Variants in MGAT4C observed in about 807,000 individuals in gnomAD.
The protein encoded by MGAT4C is MGAT4 family member C, also known as alpha-1,3-mannosyl-glycoprotein 4-beta-N-acetylglucosaminyltransferase C.
In MGAT4C, 19 loss-of-function variants were observed where a neutral mutation model predicts 40.1. That is an observed-to-expected ratio of 0.47 (90% CI 0.33 to 0.70). The LOEUF (loss-of-function observed/expected upper bound fraction) is 0.70. Ranked by LOEUF, MGAT4C falls within the 30% of genes least tolerant of loss-of-function variation. The pLI, the probability that MGAT4C is intolerant of heterozygous loss-of-function variation, is 0.02. For missense variants in MGAT4C, 491 were observed against 563.2 expected, an observed-to-expected ratio of 0.87 and a Z score of 1.30; for synonymous variants, 181 against 187.1, an observed-to-expected ratio of 0.97 and a Z score of 0.27.
intron 1 of MGAT4C, among the ~76,000 whole-genome samples, chr12:86,829,013 G>T (rs1265073322): frequency 6.6e-6 from 1 of 151,478 alleles, no homozygotes; most frequent in Non-Finnish European, 1.5e-5. Flanking sequence ...CCTCAACACA[G>T]CTATTTAAAG....
chr12:86,605,283 A>T (rs191035555), intron 2 of MGAT4C, among the ~76,000 whole-genome samples: 1 of 152,144 alleles, frequency 6.6e-6, no homozygotes, highest in East Asian at 1.9e-4. Context: ...ATATATATAT[A>T]TTAGTCAGTT....
intron 3 of MGAT4C, among the ~76,000 whole-genome samples, chr12:86,411,122 G>T (rs756793868): frequency 6.6e-6 from 1 of 152,082 alleles, no homozygotes; most frequent in Non-Finnish European, 1.5e-5. Flanking sequence ...ATATTATGTT[G>T]GTGTAAAAAT....
At chr12:86,813,993 C>A (rs967593639) in intron 1 of MGAT4C, among the ~76,000 whole-genome samples, 1 of 151,814 alleles carries the variant, frequency 6.6e-6, no homozygotes, top group Non-Finnish European at 1.5e-5. Flanking sequence ...TCACTGCAAC[C>A]TCCGCCACCC....
At chr12:86,793,491 AAATG>A (rs1345682782) in intron 1 of MGAT4C, among the ~76,000 whole-genome samples, 1 of 152,100 alleles carries the variant, frequency 6.6e-6, no homozygotes, top group Non-Finnish European at 1.5e-5. Context: ...AAAGATACTA[AAATG>A]AATGAACATT....
At chr12:86,791,527 G>A (rs1952021942) in intron 1 of MGAT4C, among the ~76,000 whole-genome samples, 1 of 150,542 alleles carries the variant, frequency 6.6e-6, no homozygotes, top group Non-Finnish European at 1.5e-5. Flanking sequence ...AAATTATACA[G>A]AATAAAAAGC....
intron 3 of MGAT4C, among the ~76,000 whole-genome samples, chr12:86,408,110 A>G (rs1020631565): frequency 2.6e-5 from 4 of 152,016 alleles, no homozygotes; most frequent in African/African-American, 4.8e-5. Flanking sequence ...ACGCACACAC[A>G]CACAACTGCA....
At chr12:86,690,934 T>G (rs941602498) in intron 2 of MGAT4C, among the ~76,000 whole-genome samples, 1 of 152,210 alleles carries the variant, frequency 6.6e-6, no homozygotes, top group African/African-American at 2.4e-5. Flanking sequence ...AGTTTTAGAC[T>G]TGTATATTTC....
At chr12:86,360,019 C>CACA (rs1010130449) in intron 3 of MGAT4C, among the ~76,000 whole-genome samples, 3 of 152,074 alleles carry the variant, frequency 2.0e-5, no homozygotes, top group African/African-American at 7.2e-5. Context: ...TGGGCAGAGA[C>CACA]ACAACAACAA....
intron 2 of MGAT4C, among the ~76,000 whole-genome samples, chr12:86,727,042 T>C (rs555833830): frequency 6.6e-6 from 1 of 152,274 alleles, no homozygotes; most frequent in South Asian, 2.1e-4. Context: ...TCTTCAAATG[T>C]ATGTTTTCTT....
intron 2 of MGAT4C, among the ~76,000 whole-genome samples, chr12:86,497,893 AATATATAT>A (rs71078904): frequency 7.5e-6 from 1 of 133,894 alleles, no homozygotes; most frequent in African/African-American, 2.7e-5. Flanking sequence ...GAAATTCCTA[AATATATAT>A]ATATATATAT....
intron 2 of MGAT4C, among the ~76,000 whole-genome samples, chr12:86,708,068 C>T (rs1266131885): frequency 6.6e-6 from 1 of 152,198 alleles, no homozygotes; most frequent in Non-Finnish European, 1.5e-5. Flanking sequence ...ATCTCCAGGA[C>T]ATCTCAGAGG....
Position 86,365,946 on chromosome 12 carries a change from G to A in MGAT4C, c.-119-31819C>T, listed in dbSNP as rs1002419785. Among the ~76,000 whole-genome samples the A allele has an allele frequency of 1.1e-4, 17 of 152,254 alleles. No individual in the cohort carries two copies. The East Asian group carries it at 3.1e-3, about 28-fold the overall frequency. On this transcript the variant is annotated intron_variant, in intron 3 of 7. Transcript: ENST00000548651. ...GGAAAATGCCATTGGTATTTTGATA[G>A]GGATAACATTGAATCTGTAAATTGC...
intron 2 of MGAT4C, among the ~76,000 whole-genome samples, chr12:86,034,148 G>A (rs1891003926): frequency 1.3e-5 from 2 of 149,696 alleles, no homozygotes; most frequent in African/African-American, 4.9e-5. Context: ...GTTGGATTCA[G>A]TTTGCTAGTA....
rs962799692 is a variant in MGAT4C at position 85,979,181 on chromosome 12, T to C, written c.*108A>G. Reference sequence around the variant, plus strand: ...AAATGAAAACTGCCAATGTAATTAATGTTTCTTTTAACATATCCCATCCAT... The same window carrying C: ...AAATGAAAACTGCCAATGTAATTAACGTTTCTTTTAACATATCCCATCCAT... On this transcript the variant is annotated 3_prime_UTR_variant, in exon 5 of 5. Transcript: ENST00000611864. 9 of 810,568 alleles carry C rather than the reference T, an allele frequency of 1.1e-5. No individual in the cohort carries two copies. The highest frequency in any genetic ancestry group is 1.7e-5 in the Non-Finnish European group (9 of 524,466). 50.2% of individuals were successfully genotyped at this position (810,568 alleles called of 1,614,324 possible).
chr12:86,779,668 C>G (rs963530327), intron 1 of MGAT4C, among the ~76,000 whole-genome samples: 34 of 152,072 alleles, frequency 2.2e-4, no homozygotes, highest in African/African-American at 7.5e-4. Flanking sequence ...AATCCCATCA[C>G]TTTGGGAGGC....
chr12:85,961,672 A>G lies in MGAT4C; in HGVS notation c.*17617T>C, dbSNP rs1883118944. 6.6e-6 allele frequency: 1 copy of G among 151,858 alleles called. No individual in the cohort carries two copies. Among genetic ancestry groups the G allele is most frequent in the South Asian group, 2.1e-4 (1 of 4,834 alleles). 9.4% of individuals were successfully genotyped at this position (151,858 alleles called of 1,614,324 possible). On this transcript the variant is annotated 3_prime_UTR_variant, in exon 5 of 5. Coordinates refer to ENST00000611864, the MANE Select transcript of MGAT4C (RefSeq NM_001351288.2). The stretch of plus-strand genomic sequence containing the variant: ...TAAGAGCAACGGAAGAAAATGTATC[A>G]AAACACATCTCCAATTTATTTGAAT...
At chr12:86,202,228 A>C (rs186603593) in intron 1 of MGAT4C, among the ~76,000 whole-genome samples, 1 of 152,216 alleles carries the variant, frequency 6.6e-6, no homozygotes, top group African/African-American at 2.4e-5. Context: ...CTGCCATTAC[A>C]TATGATGTTA....
intron 2 of MGAT4C, among the ~76,000 whole-genome samples, chr12:86,606,414 T>C (rs537852981): frequency 6.6e-6 from 1 of 152,274 alleles, no homozygotes; most frequent in East Asian, 1.9e-4. Context: ...TTAAATGCCA[T>C]CTGGCATGCA....
At chr12:86,467,746 A>G (rs1239862873) in intron 2 of MGAT4C, among the ~76,000 whole-genome samples, 1 of 152,120 alleles carries the variant, frequency 6.6e-6, no homozygotes, top group Non-Finnish European at 1.5e-5. Flanking sequence ...TTTCTCTTCA[A>G]TTAAGAAATG....
Sources: allele counts gnomAD v4.1 joint callset (sites outside exome capture counted in the v4.1 genomes callset), GRCh38; gene constraint gnomAD v4.1.1; transcripts MANE v1.5; gene names NCBI Gene and HGNC (gene_info 2026-07-23, HGNC 2026-07-21).